Variants in CASR observed in about 807,000 individuals in gnomAD.
CASR encodes calcium sensing receptor.
A neutral mutation model predicts 69.1 loss-of-function variants in CASR; 23 were observed. That is an observed-to-expected ratio of 0.33 (90% confidence interval 0.24 to 0.47). CASR has a LOEUF of 0.47. Among genes scored for constraint, CASR ranks in the 20% least tolerant of loss-of-function variants. The pLI is 1.00. For synonymous variants in CASR, 541 were observed against 544.7 expected (o/e 0.99, Z 0.10); for missense variants, 924 against 1,356.1 (o/e 0.68, Z 5.00).
At position 122,257,152 on chromosome 3, in the gene CASR, C is replaced by G; in HGVS notation, c.257C>G (p.Ala86Gly). 1 of 1,614,118 alleles carries G rather than the reference C, an allele frequency of 6.2e-7. No individual in the cohort carries two copies. The highest frequency in any genetic ancestry group is 8.5e-7 in the Non-Finnish European group (1 of 1,179,948). The change falls in exon 3 of 7, where the codon GCC (alanine) becomes GGC (glycine). Residue 86 changes from alanine to glycine, a missense_variant. This residue lies in a region of CASR where 141 missense variants were observed against 283.0 expected (regional missense o/e 0.50). Coordinates refer to ENST00000639785, the MANE Select transcript of CASR (RefSeq NM_000388.4). ...FAIEEINSSP[A>G]LLPNLTLGYR... ...ATAGAGGAGATAAACAGCAGCCCAG[C>G]CCTTCTTCCCAACTTGACGCTGGGA...
At position 122,261,801 on chromosome 3, in the gene CASR, G is replaced by A; in HGVS notation, c.766G>A (p.Val256Ile). The stretch of plus-strand genomic sequence containing the variant: ...TGATGAGGAAGAGATCCAGCATGTG[G>A]TAGAGGTGATTCAAAATTCCACGGC... ...YSDEEEIQHV[V>I]EVIQNSTAKV... is the part of the protein sequence containing the mutation. The change falls in exon 4 of 7, where the codon GTA becomes ATA. Residue 256 changes from valine (V) to isoleucine (I), a missense_variant. Val to Ile is a conservative substitution (Grantham distance 29). This residue lies in a region of CASR where 310 missense variants were observed against 395.7 expected (regional missense o/e 0.78). Coordinates refer to ENST00000639785, the MANE Select transcript of CASR (RefSeq NM_000388.4). 1 of 1,614,230 alleles carries A rather than the reference G, an allele frequency of 6.2e-7. No homozygotes were observed. The highest frequency in any genetic ancestry group is 8.5e-7 in the Non-Finnish European group (1 of 1,180,040).
chr3:122,229,912 C>T (rs2074263506), intron 1 of CASR, among the ~76,000 whole-genome samples: 1 of 152,096 alleles, frequency 6.6e-6, no homozygotes, highest in South Asian at 2.1e-4. Flanking sequence ...ACCAAGTAAA[C>T]TATGAAATAA....
intron 1 of CASR, among the ~76,000 whole-genome samples, chr3:122,220,361 C>T (rs966288115): frequency 2.6e-5 from 4 of 152,146 alleles, no homozygotes; most frequent in Admixed American, 1.3e-4. Context: ...CAACAATAAG[C>T]GAAGAGCCAG....
chr3:122,191,181 G>A (rs1028458604), intron 1 of CASR, among the ~76,000 whole-genome samples: 57 of 152,206 alleles, frequency 3.7e-4, no homozygotes, highest in African/African-American at 1.4e-3. Context: ...GTTTTGGAGA[G>A]GGGAGCAGTG....
At chr3:122,193,781 G>T (rs2073861376) in intron 1 of CASR, among the ~76,000 whole-genome samples, 1 of 152,192 alleles carries the variant, frequency 6.6e-6, no homozygotes, top group Non-Finnish European at 1.5e-5. Flanking sequence ...TATGGAAAGG[G>T]ATTAACATTG....
chr3:122,278,088 A>ATCCTT, intron 5 of CASR, among the ~76,000 whole-genome samples: 1 of 151,818 alleles, frequency 6.6e-6, no homozygotes, highest in East Asian at 2.0e-4. Flanking sequence ...TATAAATTAT[A>ATCCTT]TATTAGTAAC....
chr3:122,196,371 A>G (rs1438067724), intron 1 of CASR, among the ~76,000 whole-genome samples: 2 of 152,204 alleles, frequency 1.3e-5, no homozygotes, highest in African/African-American at 4.8e-5. Flanking sequence ...ATGAATATGT[A>G]ACATATATCT....
rs182994488 is a variant in CASR, at chr3:122,288,963, C to T, written c.*3772C>T. 6.6e-6 allele frequency: 1 copy of T among 152,090 alleles called. No homozygotes were observed. Among genetic ancestry groups the T allele is most frequent in the South Asian group, 2.1e-4 (1 of 4,828 alleles). 9.4% of individuals were successfully genotyped at this position (152,090 alleles called of 1,614,324 possible). A position where few individuals can be genotyped will look rare whatever the true frequency, so the allele number is the denominator to read the frequency against. On this transcript the variant is annotated 3_prime_UTR_variant, in exon 7 of 7. Transcript: ENST00000639785. ...TGACGATCAGCATATAACATCAATACCCTGAAAGTCCCTATGATCGTCACA... is the reference window on the plus strand; with the variant it reads ...TGACGATCAGCATATAACATCAATATCCTGAAAGTCCCTATGATCGTCACA...
In CASR at chr3:122,208,404, A is replaced by G. The variant is rs575089119; in HGVS notation, c.-243+24592A>G. On this transcript the variant is annotated intron_variant, in intron 1 of 6. Coordinates refer to ENST00000639785, the MANE Select transcript of CASR (RefSeq NM_000388.4). ...ATTATCATGTTTTCTGTAATTAATG[A>G]TCTTTTTTTTCTAAACCTTACATGC... Among the ~76,000 whole-genome samples the G allele has an allele frequency of 2.6e-5, 4 of 152,232 alleles. No individual in the cohort carries two copies. The East Asian group carries it at 5.8e-4, about 22-fold the overall frequency.
chr3:122,226,094 A>G (rs2074219727), intron 1 of CASR, among the ~76,000 whole-genome samples: 1 of 152,142 alleles, frequency 6.6e-6, no homozygotes, highest in African/African-American at 2.4e-5. Flanking sequence ...ATGGGGGGGT[A>G]GTGTGTCTGG....
At position 122,254,283 on chromosome 3, in the gene CASR, A is replaced by C; in HGVS notation, c.94A>C (p.Ile32Leu). ...PDQRAQKKGD[I>L]ILGGLFPIHF... Reference sequence around the variant, plus strand: ...CCAGCGAGCCCAAAAGAAGGGGGACATTATCCTTGGGGGGCTCTTTCCTAT... The same window carrying C: ...CCAGCGAGCCCAAAAGAAGGGGGACCTTATCCTTGGGGGGCTCTTTCCTAT... The change falls in exon 2 of 7, where the codon ATT becomes CTT. Residue 32 changes from isoleucine to leucine, a missense_variant. Physicochemically the swap from Ile to Leu is conservative, Grantham distance 5. Around this residue, in one of 8 missense-constraint regions of CASR, gnomAD observed 141 missense variants for 283.0 expected, o/e 0.50. Transcript: ENST00000639785. 1 of 1,614,150 alleles carries C rather than the reference A, an allele frequency of 6.2e-7. No homozygotes were observed. Among genetic ancestry groups the C allele is most frequent in the African/African-American group, 1.3e-5 (1 of 75,030 alleles).
chr3:122,245,343 G>A (rs890091291), intron 1 of CASR: 4 of 152,110 alleles, frequency 2.6e-5, no homozygotes, highest in Non-Finnish European at 5.9e-5. Context: ...ATGTATGGAG[G>A]ACCAAGTGTA....
rs149651658 is a variant in CASR at position 122,267,585 on chromosome 3, G to A, written c.1377+5173G>A. On this transcript the variant is annotated intron_variant, in intron 4 of 6. Coordinates refer to ENST00000639785, the MANE Select transcript of CASR (RefSeq NM_000388.4). ...ACATAGTGTATGATTTCATTTATGC[G>A]ATACTCTGTCTCTACTGACAGAAAG... 2.5e-4 allele frequency among the ~76,000 whole-genome samples: 38 copies of A among 152,264 alleles called. No individual in the cohort carries two copies. In the East Asian group the frequency reaches 5.0e-3, roughly 20 times the overall value.
rs2074931428 is a variant in CASR at position 122,284,072 on chromosome 3, T to C, written c.2118T>C (p.Phe706=). 6 of 1,614,084 alleles carry C rather than the reference T, an allele frequency of 3.7e-6. No homozygotes were observed. In the East Asian group the frequency reaches 1.3e-4, roughly 36 times the overall value. Residue 706 remains phenylalanine, a synonymous_variant, in exon 7 of 7, where the codon TTT becomes TTC. Coordinates refer to ENST00000639785, the MANE Select transcript of CASR (RefSeq NM_000388.4). ...AAACCAACCGTGTCCTCCTGGTGTTTGAGGCCAAGATCCCCACCAGCTTCC... is the reference window on the plus strand; with the variant it reads ...AAACCAACCGTGTCCTCCTGGTGTTCGAGGCCAAGATCCCCACCAGCTTCC... The part of the protein sequence containing the change: ...LVKTNRVLLV[F]EAKIPTSFHR...
intron 1 of CASR, among the ~76,000 whole-genome samples, chr3:122,233,083 CACTT>C (rs1159758469): frequency 1.3e-5 from 2 of 152,324 alleles, no homozygotes; most frequent in Admixed American, 1.3e-4. Flanking sequence ...GCTTCAGTCT[CACTT>C]AGTCTTCCTC....
chr3:122,183,759 C>A lies in CASR; in HGVS notation c.-296C>A, dbSNP rs1411607075. The A allele has an allele frequency of 2.0e-5, 3 of 152,190 alleles. No individual in the cohort carries two copies. The highest frequency in any genetic ancestry group is 7.2e-5 in the African/African-American group (3 of 41,440). The allele number at this position is 152,190 out of a possible 1,614,324, so 9.4% of individuals were successfully genotyped here. A position where few individuals can be genotyped will look rare whatever the true frequency, so the allele number is the denominator to read the frequency against. On this transcript the variant is annotated 5_prime_UTR_variant, in exon 1 of 7. Transcript: ENST00000639785. Reference sequence around the variant, plus strand: ...AGAGTGGAAGGAGGGAGCTGTTTGCCAGCACCGAGGTCTTGCGGCACAGGC... The same window carrying A: ...AGAGTGGAAGGAGGGAGCTGTTTGCAAGCACCGAGGTCTTGCGGCACAGGC...
intron 1 of CASR, among the ~76,000 whole-genome samples, chr3:122,237,388 A>G (rs138469333): frequency 3.0e-4 from 45 of 152,262 alleles, no homozygotes; most frequent in African/African-American, 9.6e-4. Flanking sequence ...TATAGGCATG[A>G]GCCACCACAC....
chr3:122,262,026 C>T lies in CASR; in HGVS notation c.991C>T (p.Arg331Trp), dbSNP rs2074632178. 1 of 1,614,156 alleles carries T rather than the reference C, an allele frequency of 6.2e-7. No individual in the cohort carries two copies. Among genetic ancestry groups the T allele is most frequent in the South Asian group, 1.1e-5 (1 of 91,074 alleles). The change falls in exon 4 of 7, where the codon CGG becomes TGG. Residue 331 changes from arginine to tryptophan, a missense_variant. Transcript: ENST00000639785. The stretch of plus-strand genomic sequence containing the variant: ...GAAGGCTGGGCAGATCCCAGGCTTC[C>T]GGGAATTCCTGAAGAAGGTCCATCC... Reference protein sequence around the residue: ...ALKAGQIPGFREFLKKVHPRK... With the variant: ...ALKAGQIPGFWEFLKKVHPRK...
intron 1 of CASR, among the ~76,000 whole-genome samples, chr3:122,190,446 G>A (rs1201456695): frequency 6.6e-6 from 1 of 152,176 alleles, no homozygotes; most frequent in Non-Finnish European, 1.5e-5. Flanking sequence ...TAGACTACCC[G>A]AGCTTGTATC....
Sources: gnomAD v4.1 joint callset for allele counts (sites outside exome capture counted in the v4.1 genomes callset) on GRCh38, gnomAD v4.1.1 for gene constraint, gnomAD v4.1.1 regional missense constraint, MANE v1.5 for transcripts, NCBI Gene and HGNC (gene_info 2026-07-23, HGNC 2026-07-21) for gene names.